Variants in RBFOX3 observed in about 807,000 individuals in gnomAD.
RBFOX3 encodes the protein RNA binding fox-1 homolog 3.
A neutral mutation model predicts 48.7 loss-of-function variants in RBFOX3; 17 were observed. That is an observed-to-expected ratio of 0.35 (90% confidence interval 0.24 to 0.52). RBFOX3 has a LOEUF of 0.52. RBFOX3 is among the 20% of genes least tolerant of loss of function. The probability of loss-of-function intolerance (pLI) is 0.94; values close to 1 mark genes in which losing one functional copy is unlikely to be tolerated. For missense variants in RBFOX3, 382 were observed against 497.5 expected (o/e 0.77, Z 2.21); for synonymous variants, 212 against 209.5 (o/e 1.01, Z -0.10).
the RBFOX3 span, among the ~76,000 whole-genome samples, chr17:79,637,814 AAGG>A: frequency 2.1e-5 from 3 of 145,120 alleles, no homozygotes; most frequent in African/African-American, 5.1e-5. Context: ...AAGGGAAGGG[AAGG>A]GAAGGGAAGG....
At chr17:79,602,517 G>A (rs1343581245) in intron 1 of RBFOX3, among the ~76,000 whole-genome samples, 8 of 152,110 alleles carry the variant, frequency 5.3e-5, no homozygotes, top group South Asian at 2.1e-4. Flanking sequence ...CACACGCCCC[G>A]TCCCAGGTCT....
chr17:79,517,938 T>A (rs1462686167), intron 1 of RBFOX3, among the ~76,000 whole-genome samples: 1 of 152,118 alleles, frequency 6.6e-6, no homozygotes, highest in Non-Finnish European at 1.5e-5. Flanking sequence ...CCGGTATTGA[T>A]CCTGAAGTGC....
chr17:79,308,291 G>A (rs1334090759), intron 2 of RBFOX3, among the ~76,000 whole-genome samples: 1 of 152,212 alleles, frequency 6.6e-6, no homozygotes, highest in Non-Finnish European at 1.5e-5. Flanking sequence ...AAATTGTAAC[G>A]GCCGGCGTGG....
Position 79,098,631 on chromosome 17 carries a change from A to C in RBFOX3, c.569-886T>G, listed in dbSNP as rs1475151406. The stretch of plus-strand genomic sequence containing the variant: ...TCTCCCCGGGGGAACCCAGGAGCAG[A>C]GCAAAGACCTGCTCCACCTGGAGGC... On this transcript the variant is annotated intron_variant, in intron 9 of 14. Coordinates refer to ENST00000693108, the MANE Select transcript of RBFOX3 (RefSeq NM_001350451.2). 3.3e-5 allele frequency: 5 copies of C among 152,330 alleles called. No individual in the cohort carries two copies. In the East Asian group the frequency reaches 9.7e-4, roughly 29 times the overall value. The allele number at this position is 152,330 out of a possible 1,614,324, so 9.4% of individuals were successfully genotyped here. A position where few individuals can be genotyped will look rare whatever the true frequency, so the allele number is the denominator to read the frequency against.
chr17:79,144,945 C>T (rs972231125), intron 4 of RBFOX3, among the ~76,000 whole-genome samples: 11 of 152,182 alleles, frequency 7.2e-5, no homozygotes, highest in East Asian at 3.9e-4. Context: ...CCAAAGGAGA[C>T]GAGCGCACCT....
intron 1 of RBFOX3, among the ~76,000 whole-genome samples, chr17:79,580,087 A>T (rs1351333684): frequency 6.6e-6 from 1 of 151,870 alleles, no homozygotes; most frequent in Non-Finnish European, 1.5e-5. Flanking sequence ...TACCTTCCCA[A>T]TCTCATCTCT....
chr17:79,206,460 ACTC>A (rs1404060526), intron 4 of RBFOX3, among the ~76,000 whole-genome samples: 10 of 151,978 alleles, frequency 6.6e-5, no homozygotes, highest in Admixed American at 6.6e-4. Flanking sequence ...CACAGCACTG[ACTC>A]CTCAAGATGG....
intron 3 of RBFOX3, among the ~76,000 whole-genome samples, chr17:79,279,149 G>T (rs2069643693): frequency 6.6e-6 from 1 of 152,128 alleles, no homozygotes; most frequent in Non-Finnish European, 1.5e-5. Context: ...GCAGGGGAGG[G>T]GTGGCAACAG....
At chr17:79,296,281 CACAA>C (rs2074317058) in intron 3 of RBFOX3, among the ~76,000 whole-genome samples, 2 of 146,148 alleles carry the variant, frequency 1.4e-5, no homozygotes, top group Non-Finnish European at 3.0e-5. Flanking sequence ...CGCAAAAAGG[CACAA>C]ACAGACACAC....
intron 3 of RBFOX3, among the ~76,000 whole-genome samples, chr17:79,302,016 T>C (rs940694033): frequency 2.0e-5 from 3 of 152,094 alleles, no homozygotes; most frequent in African/African-American, 7.2e-5. Flanking sequence ...CTTTGCAAGA[T>C]GAAGAGTTCA....
rs1263104661 is a variant in RBFOX3 at position 79,535,905 on chromosome 17, T to C, written c.-319-53307A>G. 1.3e-5 allele frequency among the ~76,000 whole-genome samples: 2 copies of C among 152,126 alleles called. No individual in the cohort carries two copies. The highest frequency in any genetic ancestry group is 4.8e-5 in the African/African-American group (2 of 41,414). On this transcript the variant is annotated intron_variant, in intron 1 of 14. Coordinates refer to ENST00000693108, the MANE Select transcript of RBFOX3 (RefSeq NM_001350451.2). This position sits in a 1 kb window ranked among gnomAD's most constrained non-coding sequence, Gnocchi z 4.5. ...GTTTCCCTGCACCTCCCCCAGCCAC[T>C]GCACCCCTGCCCGTGACCAGTAGCG...
rs1157245014 is a variant in RBFOX3, at chr17:79,390,527, G to T, written c.-174-82703C>A. 1.3e-5 allele frequency among the ~76,000 whole-genome samples: 2 copies of T among 151,242 alleles called. No individual in the cohort carries two copies. Among genetic ancestry groups the T allele is most frequent in the Non-Finnish European group, 2.9e-5 (2 of 67,942 alleles). ...AGTCTCGCTCTTGTCGCCCAGGCTG[G>T]AGTGCAGTGGCACAATCTCGGCTCA... is the stretch of plus-strand genomic sequence containing the variant. On this transcript the variant is annotated intron_variant, in intron 2 of 14. Transcript: ENST00000693108. This position sits in a 1 kb window ranked among gnomAD's most constrained non-coding sequence, Gnocchi z 4.2.
intron 2 of RBFOX3, among the ~76,000 whole-genome samples, chr17:79,464,772 T>C (rs2076088619): frequency 6.6e-6 from 1 of 152,104 alleles, no homozygotes. Context: ...GCCAGGGCCT[T>C]CCCTCCGCGG....
chr17:79,124,901 T>G lies in RBFOX3; in HGVS notation c.-33-9153A>C, dbSNP rs151093307. On this transcript the variant is annotated intron_variant, in intron 4 of 14. Coordinates refer to ENST00000693108, the MANE Select transcript of RBFOX3 (RefSeq NM_001350451.2). ...CGTCGGCTGGCTCTGTCCTGGACCA[T>G]GGTGGACTGACCTTGTCTCGGGGGG... Among the ~76,000 whole-genome samples, 702 of 150,640 alleles carry G rather than the reference T, an allele frequency of 4.7e-3. 4 individuals are homozygous for G. Among genetic ancestry groups the G allele is most frequent in the African/African-American group, 0.016 (666 of 40,886 alleles).
intron 1 of RBFOX3, among the ~76,000 whole-genome samples, chr17:79,580,461 A>G (rs1224419884): frequency 2.0e-5 from 3 of 151,796 alleles, no homozygotes; most frequent in Admixed American, 1.3e-4. Flanking sequence ...CAAAAACCCA[A>G]TCCCATTCTT....
intron 1 of RBFOX3, among the ~76,000 whole-genome samples, chr17:79,521,499 G>C (rs1287623807): frequency 4.6e-5 from 7 of 151,190 alleles, no homozygotes; most frequent in African/African-American, 1.7e-4. Flanking sequence ...CACACACGCA[G>C]ATATATACTC....
At chr17:79,259,391 G>A (rs2065375067) in intron 3 of RBFOX3, among the ~76,000 whole-genome samples, 1 of 152,212 alleles carries the variant, frequency 6.6e-6, no homozygotes. Flanking sequence ...CCGTGGTGAG[G>A]GCAGCTGCCT....
At chr17:79,387,914 G>C (rs963223160) in intron 2 of RBFOX3, among the ~76,000 whole-genome samples, 1 of 107,302 alleles carries the variant, frequency 9.3e-6, no homozygotes, top group African/African-American at 3.1e-5. Flanking sequence ...GTGTGTACGA[G>C]TGTGCATACA....
intron 3 of RBFOX3, among the ~76,000 whole-genome samples, chr17:79,302,987 C>T (rs185110045): frequency 1.1e-4 from 16 of 152,242 alleles, no homozygotes; most frequent in African/African-American, 2.4e-4. Context: ...GAGGATTTCT[C>T]GAGCCCGGGA....
Sources: allele counts gnomAD v4.1 joint callset (sites outside exome capture counted in the v4.1 genomes callset), GRCh38; gene constraint gnomAD v4.1.1; non-coding constraint Gnocchi (gnomAD v3.1); transcripts MANE v1.5; gene names NCBI Gene and HGNC (gene_info 2026-07-23, HGNC 2026-07-21).